The following CDCP1 variants were observed in gnomAD, a reference collection of about 807,000 sequenced individuals.
CDCP1 encodes CUB domain-containing protein 1.
Under a neutral mutation model 60.2 loss-of-function variants are expected in CDCP1, and 29 were observed. That is an observed-to-expected ratio of 0.48 (90% CI 0.36 to 0.66). CDCP1 has a LOEUF of 0.66. Among genes scored for constraint, CDCP1 ranks in the 30% least tolerant of loss-of-function variants. The pLI, the probability that CDCP1 is intolerant of heterozygous loss-of-function variation, is 0.00. For synonymous variants in CDCP1, 387 were observed against 431.1 expected, an observed-to-expected ratio of 0.90 and a Z score of 1.27; for missense variants, 876 against 1,074.3, an observed-to-expected ratio of 0.82 and a Z score of 2.58.
chr3:45,140,412 C>CTACGCCA (rs1325847347), intron 1 of CDCP1, among the ~76,000 whole-genome samples: 3 of 152,230 alleles, frequency 2.0e-5, no homozygotes, highest in Non-Finnish European at 4.4e-5. Flanking sequence ...TTAAAGAAAG[C>CTACGCCA]TACGCCATCT....
At chr3:45,110,983 G>T in intron 3 of CDCP1, 142 bp from the exon 4 acceptor site, 2 of 936,212 alleles carry the variant, frequency 2.1e-6, no homozygotes, top group Non-Finnish European at 3.2e-6. Context: ...CTGTATATTT[G>T]GACTCAAGGC....
chr3:45,143,659 A>C (rs531441423), intron 1 of CDCP1, among the ~76,000 whole-genome samples: 1 of 152,330 alleles, frequency 6.6e-6, no homozygotes, highest in African/African-American at 2.4e-5. Flanking sequence ...ATGCTACTTA[A>C]AACATCTTAA....
At chr3:45,088,883 G>T (rs1213633615) in intron 8 of CDCP1, among the ~76,000 whole-genome samples, 171 bp downstream of exon 8, 1 of 150,568 alleles carries the variant, frequency 6.6e-6, no homozygotes, top group Non-Finnish European at 1.5e-5. Context: ...CCAGGCATGG[G>T]ATTTTTTTTC....
intron 1 of CDCP1, among the ~76,000 whole-genome samples, chr3:45,141,813 A>G (rs538036797): frequency 1.3e-5 from 2 of 151,836 alleles, no homozygotes; most frequent in African/African-American, 4.8e-5. Flanking sequence ...ATAATTTAGA[A>G]TGATAATTAA....
rs930498218 is a variant in CDCP1, at chr3:45,106,892, C to G, written c.1024+3581G>C. Among the ~76,000 whole-genome samples the G allele has an allele frequency of 3.9e-5, 6 of 152,308 alleles. No individual in the cohort carries two copies. The East Asian group carries it at 7.7e-4, about 20-fold the overall frequency. On this transcript the variant is annotated intron_variant, in intron 4 of 8. Transcript: ENST00000296129. ...AGGCTCTGACCCAAAACTCAGTCAC[C>G]TTGAGGCCCCTCTCTCAGCTTCTTT... is the stretch of plus-strand genomic sequence containing the variant.
At chr3:45,136,825 T>C (rs1438299617) in intron 1 of CDCP1, among the ~76,000 whole-genome samples, 3 of 152,206 alleles carry the variant, frequency 2.0e-5, no homozygotes, top group Non-Finnish European at 4.4e-5. Flanking sequence ...TAAAATATCT[T>C]AGAGGCAAAA....
At chr3:45,141,987 A>G (rs1408102055) in intron 1 of CDCP1, among the ~76,000 whole-genome samples, 3 of 151,982 alleles carry the variant, frequency 2.0e-5, no homozygotes, top group Non-Finnish European at 1.5e-5. Context: ...GTGTACCACC[A>G]TGTTTGGCTA....
chr3:45,088,996 G>T, intron 8 of CDCP1, 58 bp downstream of exon 8: 1 of 1,315,550 alleles, frequency 7.6e-7, no homozygotes, highest in Non-Finnish European at 1.1e-6. Context: ...AATCCACCCA[G>T]TCTGTGTGAT....
In CDCP1 at chr3:45,112,465, G is replaced by A. The variant is rs1395769226; in HGVS notation, c.293-20C>T. The A allele has an allele frequency of 1.9e-6, 3 of 1,604,450 alleles. No individual in the cohort carries two copies. The highest frequency in any genetic ancestry group is 3.4e-5 in the Admixed American group (2 of 59,700). ...TACAGTCTGAAAAACAGTCACAGAA[G>A]CAATTTTGATCACAGATGCTCCAAG... is the stretch of plus-strand genomic sequence containing the variant. On this transcript the variant is annotated intron_variant, in intron 2 of 8. Coordinates refer to ENST00000296129, the MANE Select transcript of CDCP1 (RefSeq NM_022842.5).
intron 7 of CDCP1, among the ~76,000 whole-genome samples, chr3:45,089,684 G>A (rs1370910402): frequency 6.6e-6 from 1 of 152,162 alleles, no homozygotes; most frequent in Non-Finnish European, 1.5e-5. Context: ...AATAGCTATT[G>A]CCAAAGCCAC....
At position 45,085,066 on chromosome 3, in the gene CDCP1, C is replaced by T. The variant is rs2176804; in HGVS notation, c.*572G>A. On this transcript the variant is annotated 3_prime_UTR_variant, in exon 9 of 9. Transcript: ENST00000296129. The surrounding 1 kb of genome is among the most constrained non-coding windows in gnomAD (Gnocchi z 4.2). ...TCCCACCACCTGGGGGACAGGCACACGTTTATCTAGCGGTCAGTAGAAGTC... is the reference window on the plus strand; with the variant it reads ...TCCCACCACCTGGGGGACAGGCACATGTTTATCTAGCGGTCAGTAGAAGTC... 0.47 allele frequency: 70,802 copies of T among 152,238 alleles called. 17,045 individuals are homozygous for T. The highest frequency in any genetic ancestry group is 0.63 in the Middle Eastern group (184 of 294). 9.4% of individuals were successfully genotyped at this position (152,238 alleles called of 1,614,324 possible).
intron 4 of CDCP1, among the ~76,000 whole-genome samples, chr3:45,099,483 G>A: frequency 6.6e-6 from 1 of 152,006 alleles, no homozygotes; most frequent in African/African-American, 2.4e-5. Context: ...CTTGGTGTGG[G>A]TCTATTTATA....
At chr3:45,114,092 C>T (rs1420836332) in intron 2 of CDCP1, among the ~76,000 whole-genome samples, 1 of 152,204 alleles carries the variant, frequency 6.6e-6, no homozygotes, top group Non-Finnish European at 1.5e-5. Flanking sequence ...CCCAGGGATT[C>T]TGATTTAATT....
chr3:45,103,174 G>A (rs181698886), intron 4 of CDCP1, among the ~76,000 whole-genome samples: 23 of 152,214 alleles, frequency 1.5e-4, no homozygotes, highest in Middle Eastern at 3.4e-3. Context: ...ACGATTTTCT[G>A]ATTTCTATCA....
chr3:45,116,181 T>A (rs1259791096), intron 2 of CDCP1, among the ~76,000 whole-genome samples: 2 of 150,806 alleles, frequency 1.3e-5, no homozygotes, highest in Non-Finnish European at 2.9e-5. Flanking sequence ...CTTCCATTCC[T>A]GATTTACTAA....
intron 1 of CDCP1, among the ~76,000 whole-genome samples, chr3:45,140,259 TAA>T (rs1699265828): frequency 1.3e-5 from 2 of 152,214 alleles, no homozygotes; most frequent in African/African-American, 4.8e-5. Context: ...AGGGAGTTGA[TAA>T]AACTCATTTC....
intron 1 of CDCP1, among the ~76,000 whole-genome samples, chr3:45,124,790 A>G (rs1348052333): frequency 1.3e-5 from 2 of 152,270 alleles, no homozygotes; most frequent in East Asian, 1.9e-4. Context: ...TGTGCACACC[A>G]TGGGAGCCCC....
intron 4 of CDCP1, among the ~76,000 whole-genome samples, chr3:45,100,523 T>A (rs1698471946): frequency 6.6e-6 from 1 of 152,198 alleles, no homozygotes; most frequent in South Asian, 2.1e-4. Flanking sequence ...GCAGATTTCT[T>A]CTTGGTTTTT....
intron 2 of CDCP1, 58 bp downstream of exon 2, chr3:45,118,354 A>G: frequency 8.2e-7 from 1 of 1,226,420 alleles, no homozygotes; most frequent in South Asian, 1.2e-5. Context: ...AAAGACAGTC[A>G]GGGAGGTGTA....
Sources: gnomAD v4.1 joint callset for allele counts (sites outside exome capture counted in the v4.1 genomes callset) on GRCh38, gnomAD v4.1.1 for gene constraint, Gnocchi (gnomAD v3.1) non-coding constraint, MANE v1.5 for transcripts, NCBI Gene and HGNC (gene_info 2026-07-23, HGNC 2026-07-21) for gene names.